Variants in CSMD1 observed in about 807,000 individuals in gnomAD.
The protein encoded by CSMD1 is CUB and sushi domain-containing protein 1.
In CSMD1, 213 loss-of-function variants were observed where a neutral mutation model predicts 417.5. The ratio of observed to expected loss-of-function variants is 0.51; its 90% CI spans 0.46 to 0.57. The LOEUF (loss-of-function observed/expected upper bound fraction) is 0.57. Ranked by LOEUF, CSMD1 falls within the 20% of genes least tolerant of loss-of-function variation. CSMD1 has a pLI of 0.00. For synonymous variants in CSMD1, 2,862 were observed against 1,736.8 expected (o/e 1.65, Z -16.11); for missense variants, 6,923 against 4,529.7 (o/e 1.53, Z -15.17).
chr8:4,883,317 A>T (rs942593206), intron 1 of CSMD1, among the ~76,000 whole-genome samples: 1 of 152,120 alleles, frequency 6.6e-6, no homozygotes, highest in African/African-American at 2.4e-5. Flanking sequence ...TAATACCTCT[A>T]TTTGGATATA....
chr8:4,371,222 C>G (rs1295844471), intron 3 of CSMD1, among the ~76,000 whole-genome samples: 6 of 152,120 alleles, frequency 3.9e-5, no homozygotes, highest in East Asian at 1.9e-4. Context: ...GCTACATGCT[C>G]TCACCGTGGG....
In CSMD1 at chr8:3,679,388, G is replaced by C. The variant is rs181302089; in HGVS notation, c.1009+29026C>G. ...AAAAAAGGCAGGGGTTGCAATCCTA[G>C]TCTCTGATAAAAGGGACTTTAAACC... On this transcript the variant is annotated intron_variant, in intron 7 of 69. Transcript: ENST00000635120. Among the ~76,000 whole-genome samples, 11 of 152,236 alleles carry C rather than the reference G, an allele frequency of 7.2e-5. No individual in the cohort carries two copies. In the East Asian group the frequency reaches 2.1e-3, roughly 29 times the overall value.
chr8:3,705,354 T>A (rs1018640489), intron 7 of CSMD1, among the ~76,000 whole-genome samples: 1 of 152,154 alleles, frequency 6.6e-6, no homozygotes, highest in South Asian at 2.1e-4. Context: ...CAGCCTTCCA[T>A]CCATACCCTG....
Position 4,300,779 on chromosome 8 carries a change from G to C in CSMD1, c.415+119174C>G, listed in dbSNP as rs186802920. Among the ~76,000 whole-genome samples the C allele has an allele frequency of 2.7e-3, 404 of 152,244 alleles. 3 individuals carry two copies. The highest frequency in any genetic ancestry group is 9.4e-3 in the African/African-American group (392 of 41,528). The stretch of plus-strand genomic sequence containing the variant: ...AATTCCTCCCTATGGGTGAGAACAT[G>C]CAGTGTTTGGTTTTTTGTCCTGGCA... On this transcript the variant is annotated intron_variant, in intron 3 of 69. Transcript: ENST00000635120.
chr8:3,001,432 A>T (rs1807397502), intron 52 of CSMD1, among the ~76,000 whole-genome samples: 1 of 152,144 alleles, frequency 6.6e-6, no homozygotes, highest in African/African-American at 2.4e-5. Context: ...AATTAACAAA[A>T]TATACAGGCT....
chr8:4,500,255 T>G (rs1802190187), intron 2 of CSMD1, among the ~76,000 whole-genome samples: 2 of 152,084 alleles, frequency 1.3e-5, no homozygotes, highest in African/African-American at 4.8e-5. Context: ...AGAGAGATCA[T>G]AGAAATGGAT....
At chr8:4,154,676 G>A (rs924263725) in intron 3 of CSMD1, among the ~76,000 whole-genome samples, 1 of 152,184 alleles carries the variant, frequency 6.6e-6, no homozygotes, top group African/African-American at 2.4e-5. Flanking sequence ...TTGATAACCT[G>A]AGAATTCTCA....
chr8:3,716,428 G>A (rs888608077), intron 6 of CSMD1, among the ~76,000 whole-genome samples: 1 of 152,154 alleles, frequency 6.6e-6, no homozygotes, highest in African/African-American at 2.4e-5. Flanking sequence ...CTAAACAAGG[G>A]GTGGATTATT....
intron 3 of CSMD1, among the ~76,000 whole-genome samples, chr8:4,153,829 G>T (rs945115197): frequency 8.5e-5 from 13 of 152,204 alleles, no homozygotes; most frequent in African/African-American, 3.1e-4. Flanking sequence ...ATGACGGAAC[G>T]TCACATGCAA....
At chr8:4,047,671 A>G (rs967946980) in intron 3 of CSMD1, among the ~76,000 whole-genome samples, 3 of 152,176 alleles carry the variant, frequency 2.0e-5, no homozygotes, top group East Asian at 1.9e-4. Flanking sequence ...ATGCAGAGAG[A>G]AGAAACACCA....
intron 3 of CSMD1, among the ~76,000 whole-genome samples, chr8:4,178,658 A>C (rs1798189110): frequency 6.6e-6 from 1 of 152,186 alleles, no homozygotes; most frequent in African/African-American, 2.4e-5. Context: ...TTTGCAGATA[A>C]TATGATTGTT....
At chr8:4,124,407 TA>T (rs201767263) in intron 3 of CSMD1, among the ~76,000 whole-genome samples, 3 of 3,822 alleles carry the variant, frequency 7.8e-4, no homozygotes, top group South Asian at 0.05. Context: ...GATTTGTATT[TA>T]ATTTTTTTCC....
chr8:4,418,407 A>G (rs1201372941), intron 3 of CSMD1, among the ~76,000 whole-genome samples: 1 of 152,150 alleles, frequency 6.6e-6, no homozygotes, highest in Non-Finnish European at 1.5e-5. Flanking sequence ...GCCCAGAAAT[A>G]TTTGATAGAA....
chr8:3,599,125 C>CTGTGTG (rs143211609), intron 8 of CSMD1, among the ~76,000 whole-genome samples: 27 of 144,606 alleles, frequency 1.9e-4, no homozygotes, highest in South Asian at 4.5e-4. Context: ...TTGCTTACTG[C>CTGTGTG]TGTGTGTGTG....
At chr8:3,052,781 CTTTCT>C (rs1811948233) in intron 49 of CSMD1, 134 bp from the exon 50 acceptor site, 7 of 536,632 alleles carry the variant, frequency 1.3e-5, no homozygotes, top group Non-Finnish European at 1.6e-5. Context: ...CTTTTTTTTT[CTTTCT>C]TTTTTTTTTC....
chr8:3,030,415 G>T (rs544123101), intron 50 of CSMD1, among the ~76,000 whole-genome samples: 1 of 151,758 alleles, frequency 6.6e-6, no homozygotes, highest in Non-Finnish European at 1.5e-5. Flanking sequence ...GAGCTGGGAA[G>T]AATTAACTGG....
At chr8:4,950,054 C>T (rs1018110340) in intron 1 of CSMD1, among the ~76,000 whole-genome samples, 7 of 151,914 alleles carry the variant, frequency 4.6e-5, no homozygotes, top group African/African-American at 1.7e-4. Flanking sequence ...AGGGAAGAAC[C>T]TAGAAATAAT....
At chr8:4,008,716 T>A (rs1444715931) in intron 4 of CSMD1, among the ~76,000 whole-genome samples, 3 of 147,210 alleles carry the variant, frequency 2.0e-5, no homozygotes, top group African/African-American at 5.0e-5. Context: ...GTTCACATCA[T>A]TCTCCTGCCT....
intron 3 of CSMD1, among the ~76,000 whole-genome samples, chr8:4,230,089 C>T (rs76928834): frequency 0.011 from 1,627 of 152,256 alleles, 22 homozygotes; most frequent in African/African-American, 0.036. Context: ...GCTTATTAGA[C>T]TACAAGCCTT....
Sources: gnomAD v4.1 joint callset for allele counts (sites outside exome capture counted in the v4.1 genomes callset) on GRCh38, gnomAD v4.1.1 for gene constraint, MANE v1.5 for transcripts, NCBI Gene and HGNC (gene_info 2026-07-23, HGNC 2026-07-21) for gene names.